Variants in PAM observed in about 807,000 individuals in gnomAD.
The protein encoded by PAM is peptidyl-glycine alpha-amidating monooxygenase.
A neutral mutation model predicts 122.1 loss-of-function variants in PAM; 72 were observed. The observed-to-expected ratio is 0.59, with a 90% confidence interval of 0.49 to 0.72. PAM has a LOEUF of 0.72. PAM is among the 30% of genes least tolerant of loss of function. The probability of loss-of-function intolerance (pLI) is 0.00; values close to 1 mark genes in which losing one functional copy is unlikely to be tolerated. For missense variants in PAM, 1,106 were observed against 1,183.7 expected, an observed-to-expected ratio of 0.93 and a Z score of 0.96; for synonymous variants, 389 against 404.4, an observed-to-expected ratio of 0.96 and a Z score of 0.46.
At position 102,866,491 on chromosome 5, in the gene PAM, A is replaced by T; in HGVS notation, c.89+207A>T. 3 of 560,278 alleles carry T rather than the reference A, an allele frequency of 5.4e-6. No individual in the cohort carries two copies. In the South Asian group the frequency reaches 6.6e-5, roughly 12 times the overall value. The allele number at this position is 560,278 out of a possible 1,614,324, so 34.7% of individuals were successfully genotyped here. ...AGCAGTTCTGGCTTTCAAAACTCCA[A>T]TTAGAAGTTGTGATTTCCAAAACTA... On this transcript the variant is annotated intron_variant, in intron 2 of 25. Transcript: ENST00000438793.
chr5:102,802,030 G>A (rs991988370), intron 1 of PAM, among the ~76,000 whole-genome samples: 1 of 151,732 alleles, frequency 6.6e-6, no homozygotes, highest in Non-Finnish European at 1.5e-5. Context: ...TGATCCACCC[G>A]CCTCGGCCTC....
At chr5:102,865,070 A>T (rs1203247415) in intron 1 of PAM, among the ~76,000 whole-genome samples, 2 of 152,190 alleles carry the variant, frequency 1.3e-5, no homozygotes, top group African/African-American at 2.4e-5. Context: ...CTTTCTAATT[A>T]TGTTGTAAAA....
intron 14 of PAM, among the ~76,000 whole-genome samples, chr5:102,969,642 C>G (rs532431927): frequency 6.6e-6 from 1 of 152,216 alleles, no homozygotes; most frequent in Non-Finnish European, 1.5e-5. Context: ...AGTTGATTTA[C>G]TCAAAAAAGT....
intron 1 of PAM, among the ~76,000 whole-genome samples, chr5:102,836,859 C>CGAGAGAGAGAGAGAGAGAGAGAGAGAGA (rs57617414): frequency 5.0e-5 from 6 of 120,824 alleles, no homozygotes; most frequent in South Asian, 3.3e-4. Context: ...AGAAAGAAAC[C>CGAGAGAGAGAGAGAGAGAGAGAGAGAGA]GAGAGAGAGA....
chr5:102,769,646 G>GA (rs1755158523), intron 1 of PAM, among the ~76,000 whole-genome samples: 1 of 151,976 alleles, frequency 6.6e-6, no homozygotes, highest in Non-Finnish European at 1.5e-5. Flanking sequence ...CAACTTTGTT[G>GA]AAAATGAGTT....
chr5:102,986,031 A>G (rs1405053813), intron 15 of PAM, among the ~76,000 whole-genome samples: 2 of 152,168 alleles, frequency 1.3e-5, no homozygotes, highest in African/African-American at 4.8e-5. Context: ...CTAAAATTCT[A>G]TTTTTCTTCA....
At chr5:103,010,258 A>T (rs527622546) in intron 21 of PAM, among the ~76,000 whole-genome samples, 1 of 152,294 alleles carries the variant, frequency 6.6e-6, no homozygotes, top group African/African-American at 2.4e-5. Context: ...GTTCTCTTAG[A>T]CCCAACAGAC....
intron 3 of PAM, among the ~76,000 whole-genome samples, chr5:102,871,962 A>T (rs1369713034): frequency 6.6e-6 from 1 of 152,044 alleles, no homozygotes; most frequent in Non-Finnish European, 1.5e-5. Context: ...CAAAAACTAA[A>T]TGATTTTACC....
intron 7 of PAM, among the ~76,000 whole-genome samples, chr5:102,938,380 A>T (rs1753979278): frequency 6.6e-6 from 1 of 152,196 alleles, no homozygotes; most frequent in Non-Finnish European, 1.5e-5. Flanking sequence ...AGATATGTAA[A>T]GCACTACAGT....
chr5:102,806,804 A>G (rs546577113), intron 1 of PAM, among the ~76,000 whole-genome samples: 20 of 152,166 alleles, frequency 1.3e-4, no homozygotes, highest in Non-Finnish European at 2.4e-4. Context: ...ATTTTTTCTA[A>G]TCTATATGGG....
intron 3 of PAM, among the ~76,000 whole-genome samples, chr5:102,891,161 T>C (rs975871354): frequency 1.3e-5 from 2 of 151,894 alleles, no homozygotes; most frequent in African/African-American, 2.4e-5. Context: ...AACAAACTAA[T>C]TCAACTAACA....
At chr5:102,821,774 A>T (rs888931779) in intron 1 of PAM, among the ~76,000 whole-genome samples, 9 of 152,216 alleles carry the variant, frequency 5.9e-5, no homozygotes, top group African/African-American at 2.2e-4. Context: ...GACTGGCTCC[A>T]GATTACCGCA....
chr5:103,002,976 C>A, intron 16 of PAM, 57 bp from the exon 17 acceptor site: 1 of 821,786 alleles, frequency 1.2e-6, no homozygotes, highest in Non-Finnish European at 2.1e-6. Flanking sequence ...GTCTGCATTT[C>A]TCAATTTCAT....
intron 21 of PAM, among the ~76,000 whole-genome samples, chr5:103,014,266 G>A (rs3776860): frequency 3.3e-5 from 5 of 152,008 alleles, no homozygotes; most frequent in South Asian, 4.1e-4. Flanking sequence ...GAGCCTTAAC[G>A]TCATAAAAAT....
At chr5:102,834,177 G>A (rs911918954) in intron 1 of PAM, among the ~76,000 whole-genome samples, 5 of 151,868 alleles carry the variant, frequency 3.3e-5, no homozygotes, top group Middle Eastern at 3.2e-3. Flanking sequence ...GTTTTGTGAT[G>A]ATTTTTTAAA....
At chr5:102,920,602 G>A (rs906975801) in intron 5 of PAM, among the ~76,000 whole-genome samples, 2 of 152,072 alleles carry the variant, frequency 1.3e-5, no homozygotes, top group African/African-American at 4.8e-5. Context: ...ACAGGTAATA[G>A]TATTTGAATA....
intron 3 of PAM, among the ~76,000 whole-genome samples, chr5:102,876,300 T>C (rs865933084): frequency 3.3e-5 from 5 of 152,308 alleles, no homozygotes; most frequent in Middle Eastern, 3.4e-3. Flanking sequence ...ATTATTATAA[T>C]ATCCCTCCTA....
intron 1 of PAM, among the ~76,000 whole-genome samples, chr5:102,837,405 G>A (rs1270882712): frequency 6.6e-6 from 1 of 152,112 alleles, no homozygotes; most frequent in Non-Finnish European, 1.5e-5. Flanking sequence ...TTTTACCAGA[G>A]GCTAACACAG....
At chr5:102,798,720 GAA>G (rs1234523509) in intron 1 of PAM, among the ~76,000 whole-genome samples, 7 of 152,094 alleles carry the variant, frequency 4.6e-5, no homozygotes. Context: ...TAGTTTGCTG[GAA>G]TCAATTCAAT....
Sources: allele counts gnomAD v4.1 joint callset (sites outside exome capture counted in the v4.1 genomes callset), GRCh38; gene constraint gnomAD v4.1.1; transcripts MANE v1.5; gene names NCBI Gene and HGNC (gene_info 2026-07-23, HGNC 2026-07-21).